POC1B: variants seen among roughly 807,000 people sequenced by gnomAD.
POC1B encodes the protein POC1 centriolar protein B.
POC1B carries 44 observed loss-of-function variants against 60.6 expected under a neutral mutation model. That is an observed-to-expected ratio of 0.73 (90% CI 0.57 to 0.93). The LOEUF is 0.93. Ranked by LOEUF, POC1B falls within the 40% of genes least tolerant of loss-of-function variation. The pLI, the probability that POC1B is intolerant of heterozygous loss-of-function variation, is 0.00. For missense variants in POC1B, 555 were observed against 572.3 expected, an observed-to-expected ratio of 0.97 and a Z score of 0.31; for synonymous variants, 180 against 198.9, an observed-to-expected ratio of 0.90 and a Z score of 0.80.
intron 9 of POC1B, among the ~76,000 whole-genome samples, chr12:89,465,161 C>G (rs1300951588): frequency 6.6e-6 from 1 of 152,136 alleles, no homozygotes; most frequent in Non-Finnish European, 1.5e-5. Flanking sequence ...GACCCAGCAA[C>G]ACAAAGCAGC....
chr12:89,512,949 A>G (rs1358129480), intron 2 of POC1B, among the ~76,000 whole-genome samples: 1 of 152,238 alleles, frequency 6.6e-6, no homozygotes, highest in Non-Finnish European at 1.5e-5. Context: ...TTCTCAAAGC[A>G]AAGGGAATTT....
intron 9 of POC1B, among the ~76,000 whole-genome samples, chr12:89,466,086 GAA>G (rs1882672987): frequency 6.6e-6 from 1 of 152,176 alleles, no homozygotes; most frequent in Non-Finnish European, 1.5e-5. Flanking sequence ...AAATTCAGAT[GAA>G]CAGGTAATTT....
intron 7 of POC1B, among the ~76,000 whole-genome samples, chr12:89,468,498 A>G (rs1314879808): frequency 2.6e-5 from 4 of 152,230 alleles, no homozygotes; most frequent in Non-Finnish European, 5.9e-5. Context: ...TATTTTCCCA[A>G]GTAGACTATC....
intron 4 of POC1B, among the ~76,000 whole-genome samples, chr12:89,475,756 T>C (rs902963493): frequency 6.6e-6 from 1 of 152,130 alleles, no homozygotes; most frequent in Non-Finnish European, 1.5e-5. Flanking sequence ...GTCTACAAAG[T>C]GTGTCACCAA....
chr12:89,414,956 T>A (rs1229886024), downstream of POC1B, among the ~76,000 whole-genome samples: 1 of 151,478 alleles, frequency 6.6e-6, no homozygotes, highest in East Asian at 1.9e-4. Context: ...GTTCTCCAAA[T>A]GGTCAAAGGG....
chr12:89,494,777 G>A (rs1565748833), intron 3 of POC1B, among the ~76,000 whole-genome samples: 1 of 152,118 alleles, frequency 6.6e-6, no homozygotes, highest in South Asian at 2.1e-4. Flanking sequence ...CTGGAGAGAC[G>A]GCACATGGAG....
At chr12:89,521,887 C>G (rs1280026341) in intron 2 of POC1B, 2 of 397,862 alleles carry the variant, frequency 5.0e-6, no homozygotes, top group African/African-American at 4.1e-5. Context: ...ACCTAGCCCA[C>G]TTTCAGTTTC....
intron 4 of POC1B, among the ~76,000 whole-genome samples, chr12:89,479,178 G>T (rs957783246): frequency 6.6e-6 from 1 of 151,998 alleles, no homozygotes; most frequent in Non-Finnish European, 1.5e-5. Context: ...TCATGCATAG[G>T]TCTTTTATAA....
intron 9 of POC1B, 148 bp from the exon 10 acceptor site, chr12:89,459,866 G>T: frequency 2.0e-6 from 1 of 491,436 alleles, no homozygotes; most frequent in Non-Finnish European, 3.6e-6. Context: ...AAAATTTTAA[G>T]CTAAATGTTA....
At chr12:89,412,528 A>G in the POC1B span, among the ~76,000 whole-genome samples, 3 of 151,796 alleles carry the variant, frequency 2.0e-5, no homozygotes, top group Admixed American at 6.6e-5. Flanking sequence ...AAAACACAAA[A>G]ATTAGCAGGG....
intron 2 of POC1B, chr12:89,520,700 C>T (rs1365795323): frequency 2.0e-5 from 3 of 152,130 alleles, no homozygotes; most frequent in African/African-American, 7.2e-5. Flanking sequence ...TAAAGAATTT[C>T]CTTAAATTCA....
intron 7 of POC1B, among the ~76,000 whole-genome samples, chr12:89,469,870 T>C (rs1340669966): frequency 1.0e-5 from 1 of 95,570 alleles, no homozygotes; most frequent in African/African-American, 3.9e-5. Context: ...TATTTCTTTT[T>C]TTCTTCCATT....
At chr12:89,429,345 A>G (rs1268621583) in intron 10 of POC1B, 1 of 152,144 alleles carries the variant, frequency 6.6e-6, no homozygotes, top group Non-Finnish European at 1.5e-5. Flanking sequence ...TCTACCAACT[A>G]ACCCTGTCTT....
chr12:89,467,813 C>T (rs763199848), intron 7 of POC1B, 128 bp from the exon 8 acceptor site: 28 of 538,802 alleles, frequency 5.2e-5, no homozygotes, highest in Non-Finnish European at 8.1e-5. Flanking sequence ...TAATAAAACA[C>T]ATCAGTTGCT....
chr12:89,408,584 C>G, the POC1B span, among the ~76,000 whole-genome samples: 1 of 150,864 alleles, frequency 6.6e-6, no homozygotes, highest in Non-Finnish European at 1.5e-5. Context: ...CTCCTGGGTT[C>G]ACGCCATTCT....
intron 10 of POC1B, among the ~76,000 whole-genome samples, chr12:89,438,264 T>A (rs1053600973): frequency 1.3e-5 from 2 of 152,084 alleles, no homozygotes; most frequent in Non-Finnish European, 2.9e-5. Flanking sequence ...GAGACCATCC[T>A]GGCTAACACG....
chr12:89,416,690 A>G (rs900317960), downstream of POC1B, among the ~76,000 whole-genome samples: 24 of 152,236 alleles, frequency 1.6e-4, no homozygotes, highest in African/African-American at 4.6e-4. Context: ...TACAGGCCCA[A>G]TAGTTGCAGA....
intron 11 of POC1B, among the ~76,000 whole-genome samples, chr12:89,424,271 G>A (rs186675941): frequency 2.5e-4 from 38 of 152,230 alleles, no homozygotes; most frequent in Admixed American, 3.9e-4. Context: ...TGATGCTAGG[G>A]GCTTATCCCA....
the POC1B span, among the ~76,000 whole-genome samples, chr12:89,406,545 T>C: frequency 6.6e-6 from 1 of 152,084 alleles, no homozygotes; most frequent in African/African-American, 2.4e-5. Context: ...AATAAAGAGA[T>C]GGTGCTTGTT....
Sources: allele counts gnomAD v4.1 joint callset (sites outside exome capture counted in the v4.1 genomes callset), GRCh38; gene constraint gnomAD v4.1.1; transcripts MANE v1.5; gene names NCBI Gene and HGNC (gene_info 2026-07-23, HGNC 2026-07-21).